Variants in COL18A1 observed in about 807,000 individuals in gnomAD.
COL18A1 encodes collagen type XVIII alpha 1 chain, also known as collagen alpha-1(XVIII) chain.
A neutral mutation model predicts 168.0 loss-of-function variants in COL18A1; 133 were observed. The ratio of observed to expected loss-of-function variants is 0.79; its 90% CI spans 0.69 to 0.91. The LOEUF (loss-of-function observed/expected upper bound fraction) is 0.91, where lower values mean the gene tolerates loss of function less well. COL18A1 is among the 40% of genes least tolerant of loss of function. The pLI is 0.00. For synonymous variants in COL18A1, 949 were observed against 809.0 expected (o/e 1.17, Z -2.94); for missense variants, 2,126 against 1,925.4 (o/e 1.10, Z -1.95).
At chr21:45,458,569 C>G (rs1185668141) in intron 2 of COL18A1, among the ~76,000 whole-genome samples, 1 of 152,164 alleles carries the variant, frequency 6.6e-6, no homozygotes, top group East Asian at 1.9e-4. Flanking sequence ...GGCAACCCCC[C>G]CGGAGCCACA....
rs2037612316 is a variant in COL18A1, at chr21:45,511,612, G to A, written c.3809+386G>A. ...CGAGCATGTGTGCCCTTAAAATGTTGACAGAAATTTCCAGGGTATCTAGAA... is the reference window on the plus strand; with the variant it reads ...CGAGCATGTGTGCCCTTAAAATGTTAACAGAAATTTCCAGGGTATCTAGAA... On this transcript the variant is annotated intron_variant, in intron 41 of 41. Transcript: ENST00000651438. Among the ~76,000 whole-genome samples the A allele has an allele frequency of 2.0e-5, 3 of 152,040 alleles. No homozygotes were observed. In the South Asian group the frequency reaches 6.2e-4, roughly 32 times the overall value.
At chr21:45,467,320 C>T (rs1173812679) in intron 2 of COL18A1, 1 of 985,324 alleles carries the variant, frequency 1.0e-6, no homozygotes, top group African/African-American at 1.7e-5. Flanking sequence ...GAAGTGAAGT[C>T]AAGCTCCGCC....
intron 26 of COL18A1, chr21:45,494,298 C>G (rs571555601): frequency 2.3e-5 from 12 of 519,824 alleles, no homozygotes; most frequent in Non-Finnish European, 4.2e-5. Flanking sequence ...CATGCATGCA[C>G]GCACCAACCT....
chr21:45,456,842 CA>C, intron 2 of COL18A1: 1 of 1,509,488 alleles, frequency 6.6e-7, no homozygotes, highest in Non-Finnish European at 8.9e-7. Context: ...GCTCCCGACC[CA>C]GGAGGATGGG....
At chr21:45,490,928 G>T (rs1194660491) in intron 21 of COL18A1, 57 bp downstream of exon 21, 1 of 1,513,606 alleles carries the variant, frequency 6.6e-7, no homozygotes, top group South Asian at 1.2e-5. Context: ...ATCCCAGAAG[G>T]TTTGGCCTCA....
At chr21:45,453,041 T>C (rs937614587) in intron 2 of COL18A1, among the ~76,000 whole-genome samples, 1 of 151,962 alleles carries the variant, frequency 6.6e-6, no homozygotes, top group Non-Finnish European at 1.5e-5. Context: ...ATGTGTGACA[T>C]GTAAGCATGT....
Position 45,477,410 on chromosome 21 carries a change from G to C in COL18A1, c.929-1G>C. 6.2e-7 allele frequency: 1 copy of C among 1,612,176 alleles called. No homozygotes were observed. Among genetic ancestry groups the C allele is most frequent in the Non-Finnish European group, 8.5e-7 (1 of 1,179,302 alleles). Reference sequence around the variant, plus strand: ...GTGGCCACCTCTGCTTCTCTTCCCAGCTCAGACACTTCCTGGCTCAGATTC... The same window carrying C: ...GTGGCCACCTCTGCTTCTCTTCCCACCTCAGACACTTCCTGGCTCAGATTC... On this transcript the variant is annotated splice_acceptor_variant, in intron 6 of 41. Coordinates refer to ENST00000651438, the MANE Select transcript of COL18A1 (RefSeq NM_001379500.1). LOFTEE classifies it high-confidence loss of function.
chr21:45,478,211 G>GA (rs1365938169), intron 8 of COL18A1, 116 bp from the exon 9 acceptor site: 2 of 1,381,574 alleles, frequency 1.4e-6, no homozygotes, highest in African/African-American at 2.8e-5. Flanking sequence ...GACATCGGGG[G>GA]AAGGCGTCTG....
At chr21:45,452,640 G>A (rs886371730) in intron 2 of COL18A1, among the ~76,000 whole-genome samples, 2 of 151,592 alleles carry the variant, frequency 1.3e-5, no homozygotes, top group Non-Finnish European at 2.9e-5. Context: ...GTAAGCATGT[G>A]TGTGTGAGCT....
At position 45,475,900 on chromosome 21, in the gene COL18A1, G is replaced by A. The variant is rs113171439; in HGVS notation, c.798+365G>A. Among the ~76,000 whole-genome samples, 412 of 152,378 alleles carry A rather than the reference G, an allele frequency of 2.7e-3. 2 individuals carry two copies. Among genetic ancestry groups the A allele is most frequent in the African/African-American group, 9.2e-3 (381 of 41,600 alleles). On this transcript the variant is annotated intron_variant, in intron 5 of 41. Coordinates refer to ENST00000651438, the MANE Select transcript of COL18A1 (RefSeq NM_001379500.1). ...ACGCGTGTGTGAGCCTGACGACCAG[G>A]AGGAGAAGGCGGCGCAGGGAGCGCG...
Position 45,452,999 on chromosome 21 carries a change from GC to G in COL18A1, c.107-15241del, listed in dbSNP as rs201048502. On this transcript the variant is annotated intron_variant, in intron 2 of 41. Coordinates refer to ENST00000651438, the MANE Select transcript of COL18A1 (RefSeq NM_001379500.1). ...ATGAGTATTCACATGTGACATGTGA[GC>G]CTATATGTATGTGTGTGATTGCGAG... Among the ~76,000 whole-genome samples the G allele has an allele frequency of 7.8e-4, 118 of 151,836 alleles. 2 individuals carry two copies. In the East Asian group the frequency reaches 0.022, roughly 28 times the overall value.
rs201489582 is a variant in COL18A1 at position 45,512,343 on chromosome 21, A to T, written c.3965A>T (p.His1322Leu). ...CTGGGGCAGAGTGCCGCGAGCTGCCATCACGCCTACATCGTGCTCTGCATT... is the reference window on the plus strand; with the variant it reads ...CTGGGGCAGAGTGCCGCGAGCTGCCTTCACGCCTACATCGTGCTCTGCATT... ...RLLGQSAASC[H>L]HAYIVLCIEN... The change falls in exon 42 of 42, where the codon CAT becomes CTT. Residue 1322 changes from histidine to leucine, a missense_variant. Physicochemically the swap from His to Leu is moderately conservative, Grantham distance 99. Coordinates refer to ENST00000651438, the MANE Select transcript of COL18A1 (RefSeq NM_001379500.1). The T allele has an allele frequency of 1.2e-6, 2 of 1,612,652 alleles. No homozygotes were observed. Among genetic ancestry groups the T allele is most frequent in the Non-Finnish European group, 1.7e-6 (2 of 1,179,852 alleles).
chr21:45,448,570 C>T (rs2034553175), intron 2 of COL18A1, among the ~76,000 whole-genome samples: 1 of 152,260 alleles, frequency 6.6e-6, no homozygotes, highest in Admixed American at 6.5e-5. Context: ...AGTACAGACG[C>T]TCGCTGAGGT....
At chr21:45,490,953 G>C (rs754706229) in intron 21 of COL18A1, 82 bp downstream of exon 21, 1 of 1,332,254 alleles carries the variant, frequency 7.5e-7, no homozygotes, top group African/African-American at 1.5e-5. Context: ...CCCCAGGTCC[G>C]TGCCCCTGCT....
Position 45,473,846 on chromosome 21 carries a change from C to A in COL18A1, c.652-49C>A. On this transcript the variant is annotated intron_variant, in intron 3 of 41. Transcript: ENST00000651438. The surrounding 1 kb of genome is among the most constrained non-coding windows in gnomAD (Gnocchi z 4.0). ...GGAGCTCAAGCAGCACCGGGGTTGCCACTGCCACCTCAGGACCGCTGGTGA... is the reference window on the plus strand; with the variant it reads ...GGAGCTCAAGCAGCACCGGGGTTGCAACTGCCACCTCAGGACCGCTGGTGA... 1 of 1,483,060 alleles carries A rather than the reference C, an allele frequency of 6.7e-7. No homozygotes were observed. The highest frequency in any genetic ancestry group is 9.2e-7 in the Non-Finnish European group (1 of 1,084,104). The allele number at this position is 1,483,060 out of a possible 1,614,324, so 91.9% of individuals were successfully genotyped here. A position where few individuals can be genotyped will look rare whatever the true frequency, so the allele number is the denominator to read the frequency against.
At chr21:45,499,260 G>T (rs1435516378) in intron 32 of COL18A1, among the ~76,000 whole-genome samples, 3 of 150,094 alleles carry the variant, frequency 2.0e-5, no homozygotes, top group Admixed American at 6.6e-5. Flanking sequence ...AGCTGTGTCG[G>T]CAGTGGAGGG....
intron 4 of COL18A1, among the ~76,000 whole-genome samples, chr21:45,474,462 C>G (rs1235784528): frequency 7.6e-6 from 1 of 132,194 alleles, no homozygotes; most frequent in Non-Finnish European, 1.5e-5. Context: ...TAGTGTGTCT[C>G]TGTGTGTGGT....
At chr21:45,482,913 G>C (rs1315819599) in intron 15 of COL18A1, 92 bp downstream of exon 15, 9 of 1,589,616 alleles carry the variant, frequency 5.7e-6, no homozygotes, top group Non-Finnish European at 7.8e-6. Flanking sequence ...CCACGGTCGA[G>C]AGAGTGAGCT....
At chr21:45,450,844 C>T (rs1405283889) in intron 2 of COL18A1, among the ~76,000 whole-genome samples, 4 of 152,356 alleles carry the variant, frequency 2.6e-5, no homozygotes, top group South Asian at 4.1e-4. Context: ...GCTGCTTCAA[C>T]GTTTGGAGCC....
Sources: gnomAD v4.1 joint callset for allele counts (sites outside exome capture counted in the v4.1 genomes callset) on GRCh38, gnomAD v4.1.1 for gene constraint, Gnocchi (gnomAD v3.1) non-coding constraint, MANE v1.5 for transcripts, NCBI Gene and HGNC (gene_info 2026-07-23, HGNC 2026-07-21) for gene names.